GPALPP1: variants seen among roughly 807,000 people sequenced by gnomAD.
GPALPP1 encodes the protein GPALPP motifs-containing protein 1.
Under a neutral mutation model 38.9 loss-of-function variants are expected in GPALPP1, and 30 were observed. The ratio of observed to expected loss-of-function variants is 0.77; its 90% CI spans 0.58 to 1.05. GPALPP1 has a LOEUF of 1.05. Among genes scored for constraint, GPALPP1 ranks in the 50% least tolerant of loss-of-function variants. The pLI is 0.00. For missense variants in GPALPP1, 384 were observed against 408.8 expected, an observed-to-expected ratio of 0.94 and a Z score of 0.52; for synonymous variants, 120 against 139.2, an observed-to-expected ratio of 0.86 and a Z score of 0.97.
chr13:45,015,588 A>G lies in GPALPP1; in HGVS notation c.697A>G (p.Lys233Glu). 1 of 1,513,558 alleles carries G rather than the reference A, an allele frequency of 6.6e-7. No homozygotes were observed. Among genetic ancestry groups the G allele is most frequent in the South Asian group, 1.4e-5 (1 of 74,030 alleles). The allele number at this position is 1,513,558 out of a possible 1,614,324, so 93.8% of individuals were successfully genotyped here. Residue 233 changes from lysine (K) to glutamate (E), a missense_variant, in exon 6 of 8, where the codon AAA becomes GAA. Transcript: ENST00000379151. Reference sequence around the variant, plus strand: ...AGATACTCCAGCTGATAGGGAAAGGAAAGCTAAGGTGAGAGGTTTTGTTTG... The same window carrying G: ...AGATACTCCAGCTGATAGGGAAAGGGAAGCTAAGGTGAGAGGTTTTGTTTG... ...WTDTPADRER[K>E]AKETQEARKS...
At chr13:45,018,571 T>C (rs975517231) in intron 6 of GPALPP1, among the ~76,000 whole-genome samples, 3 of 152,190 alleles carry the variant, frequency 2.0e-5, no homozygotes, top group Non-Finnish European at 4.4e-5. Context: ...TCTTTTTTTA[T>C]AAGTAAAACA....
At chr13:45,033,956 T>A (rs996911457), downstream of GPALPP1, 2 of 152,104 alleles carry the variant, frequency 1.3e-5, no homozygotes, top group African/African-American at 4.8e-5. Context: ...GTTTCTTTGG[T>A]TTGGTTTGGT....
intron 4 of GPALPP1, among the ~76,000 whole-genome samples, chr13:45,009,221 G>T (rs1874311302): frequency 6.6e-6 from 1 of 152,148 alleles, no homozygotes; most frequent in African/African-American, 2.4e-5. Flanking sequence ...AGGAGAGAAG[G>T]TTGAAGAGCT....
At chr13:45,010,558 C>T (rs1396515776) in intron 4 of GPALPP1, among the ~76,000 whole-genome samples, 1 of 152,192 alleles carries the variant, frequency 6.6e-6, no homozygotes, top group African/African-American at 2.4e-5. Context: ...GAATCAAACA[C>T]AGTGCCTGCC....
At chr13:44,999,274 T>C (rs989506329) in intron 1 of GPALPP1, among the ~76,000 whole-genome samples, 1 of 152,158 alleles carries the variant, frequency 6.6e-6, no homozygotes, top group African/African-American at 2.4e-5. Context: ...TTCATTTTTT[T>C]ATATGCATAT....
In GPALPP1 at chr13:45,028,497, C is replaced by G. The variant is rs1166708920; in HGVS notation, c.*494C>G. ...AATTACATAAAGCTGGGTGCAGTGG[C>G]TCACGCCTGTAATCCCAACACTTTG... On this transcript the variant is annotated 3_prime_UTR_variant, in exon 8 of 8. Coordinates refer to ENST00000379151, the MANE Select transcript of GPALPP1 (RefSeq NM_018559.5). The G allele has an allele frequency of 6.5e-6, 1 of 154,006 alleles. No homozygotes were observed. Among genetic ancestry groups the G allele is most frequent in the East Asian group, 1.9e-4 (1 of 5,274 alleles). The allele number at this position is 154,006 out of a possible 1,614,324, so 9.5% of individuals were successfully genotyped here.
intron 1 of GPALPP1, among the ~76,000 whole-genome samples, chr13:44,994,451 G>A (rs1416643117): frequency 6.6e-6 from 1 of 151,774 alleles, no homozygotes; most frequent in Non-Finnish European, 1.5e-5. Flanking sequence ...GTGTGGTGGT[G>A]CATGCCTGTA....
Position 45,028,153 on chromosome 13 carries a change from A to G in GPALPP1, c.*150A>G, listed in dbSNP as rs1182507163. 7.0e-6 allele frequency: 3 copies of G among 426,040 alleles called. No individual in the cohort carries two copies. The Admixed American group carries it at 1.2e-4, about 17-fold the overall frequency. 26.4% of individuals were successfully genotyped at this position (426,040 alleles called of 1,614,324 possible). ...TTTATAAGTAAACAGTGATTTTTGA[A>G]AAGTCAGCCTTGTGGGATGAAAAAT... On this transcript the variant is annotated 3_prime_UTR_variant, in exon 8 of 8. Transcript: ENST00000379151.
chr13:45,024,147 CTGTGTGTGTGTGTGTGTGTGTGTGTG>C (rs58048658), intron 7 of GPALPP1, among the ~76,000 whole-genome samples: 9 of 23,392 alleles, frequency 3.8e-4, no homozygotes, highest in African/African-American at 9.1e-4. Context: ...CCCTAAAACT[CTGTGTGTGTGTGTGTGTGTGTGTGTG>C]TGTGTGTGTG....
intron 4 of GPALPP1, among the ~76,000 whole-genome samples, chr13:45,013,492 G>A (rs1467594520): frequency 6.6e-6 from 1 of 152,156 alleles, no homozygotes; most frequent in African/African-American, 2.4e-5. Context: ...TGAGCAAGAA[G>A]AATAAGACCA....
intron 7 of GPALPP1, among the ~76,000 whole-genome samples, chr13:45,027,256 A>C (rs553493143): frequency 1.3e-5 from 2 of 152,306 alleles, no homozygotes; most frequent in Non-Finnish European, 1.5e-5. Context: ...ACTTTGTCTT[A>C]CTAGATACAT....
intron 2 of GPALPP1, 107 bp from the exon 3 acceptor site, chr13:45,006,095 C>A: frequency 3.3e-6 from 2 of 601,780 alleles, no homozygotes; most frequent in South Asian, 2.5e-5. Context: ...TTTATTGTTG[C>A]AGTGTTTATA....
chr13:45,018,930 A>ATATAAAT (rs1555256239), intron 6 of GPALPP1, among the ~76,000 whole-genome samples: 1 of 82,946 alleles, frequency 1.2e-5, no homozygotes, highest in African/African-American at 8.0e-5. Context: ...TAAATGTATA[A>ATATAAAT]ATATATACAT....
rs78395196 is a variant in GPALPP1 at position 45,009,020 on chromosome 13, A to G, written c.408+141A>G. The stretch of plus-strand genomic sequence containing the variant: ...TGTAATGTAAGACTCAGTTATATTC[A>G]GATTAATTTAAGATTGTAACATAAG... On this transcript the variant is annotated intron_variant, in intron 4 of 7. Transcript: ENST00000379151. The G allele has an allele frequency of 2.0e-3, 1,436 of 707,090 alleles. 14 individuals carry two copies. In the African/African-American group the frequency reaches 0.022, roughly 11 times the overall value. 43.8% of individuals were successfully genotyped at this position (707,090 alleles called of 1,614,324 possible). A position where few individuals can be genotyped will look rare whatever the true frequency, so the allele number is the denominator to read the frequency against.
chr13:44,992,294 C>T (rs1872859837), intron 1 of GPALPP1, among the ~76,000 whole-genome samples: 1 of 152,058 alleles, frequency 6.6e-6, no homozygotes, highest in Non-Finnish European at 1.5e-5. Flanking sequence ...ATGCTGTGTT[C>T]AGTCTTTTGC....
intron 6 of GPALPP1, among the ~76,000 whole-genome samples, 197 bp downstream of exon 6, chr13:45,015,793 A>G (rs574002453): frequency 6.6e-6 from 1 of 152,322 alleles, no homozygotes; most frequent in African/African-American, 2.4e-5. Flanking sequence ...CTATTTCCCA[A>G]TAAACGGTCT....
chr13:44,989,573 G>T lies in GPALPP1; in HGVS notation c.-82G>T. On this transcript the variant is annotated 5_prime_UTR_variant, in exon 1 of 8. Coordinates refer to ENST00000379151, the MANE Select transcript of GPALPP1 (RefSeq NM_018559.5). ...GGCGCCGGGAAACCTGCCATTCTTC[G>T]CTGCTGATCGCGGGATTCTTTTTGG... 1 of 1,487,686 alleles carries T rather than the reference G, an allele frequency of 6.7e-7. No individual in the cohort carries two copies. Among genetic ancestry groups the T allele is most frequent in the Non-Finnish European group, 9.3e-7 (1 of 1,072,488 alleles). 92.2% of individuals were successfully genotyped at this position (1,487,686 alleles called of 1,614,324 possible). A position where few individuals can be genotyped will look rare whatever the true frequency, so the allele number is the denominator to read the frequency against.
At chr13:44,995,179 C>CACACACACACAT (rs1873165250) in intron 1 of GPALPP1, among the ~76,000 whole-genome samples, 1 of 82,244 alleles carries the variant, frequency 1.2e-5, no homozygotes, top group Non-Finnish European at 2.6e-5. Flanking sequence ...AACACACACA[C>CACACACACACAT]ACACACACAC....
rs1872671903 is a variant in GPALPP1, at chr13:44,990,026, T to A, written c.88+284T>A. 3 of 525,942 alleles carry A rather than the reference T, an allele frequency of 5.7e-6. No individual in the cohort carries two copies. The African/African-American group carries it at 5.9e-5, about 10-fold the overall frequency. 32.6% of individuals were successfully genotyped at this position (525,942 alleles called of 1,614,324 possible). A position where few individuals can be genotyped will look rare whatever the true frequency, so the allele number is the denominator to read the frequency against. On this transcript the variant is annotated intron_variant, in intron 1 of 7. Transcript: ENST00000379151. ...CCCTAACTGACTGATACCCACTCAG[T>A]CATTTAAGCCGTATAAGAAAAAAAC...
Sources: allele counts gnomAD v4.1 joint callset (sites outside exome capture counted in the v4.1 genomes callset), GRCh38; gene constraint gnomAD v4.1.1; transcripts MANE v1.5; gene names NCBI Gene and HGNC (gene_info 2026-07-23, HGNC 2026-07-21).